Variants in RALGPS1 observed in about 807,000 individuals in gnomAD.
The protein encoded by RALGPS1 is ras-specific guanine nucleotide-releasing factor RalGPS1.
RALGPS1 carries 19 observed loss-of-function variants against 78.8 expected under a neutral mutation model. The ratio of observed to expected loss-of-function variants is 0.24; its 90% CI spans 0.17 to 0.35. The LOEUF is 0.35. Among genes scored for constraint, RALGPS1 ranks in the 10% least tolerant of loss-of-function variants. The pLI, the probability that RALGPS1 is intolerant of heterozygous loss-of-function variation, is 1.00. For synonymous variants in RALGPS1, 228 were observed against 256.3 expected (o/e 0.89, Z 1.06); for missense variants, 454 against 688.3 (o/e 0.66, Z 3.81).
intron 2 of RALGPS1, 37 bp downstream of exon 2, chr9:126,962,383 G>A: frequency 6.2e-7 from 1 of 1,610,080 alleles, no homozygotes. Flanking sequence ...GTGGGTAGAG[G>A]GGTCTCCTTT....
At chr9:127,134,969 C>T (rs1412236782) in intron 8 of RALGPS1, among the ~76,000 whole-genome samples, 2 of 152,180 alleles carry the variant, frequency 1.3e-5, no homozygotes, top group African/African-American at 4.8e-5. Context: ...GGGTCCTAGA[C>T]TTGCAGCAAG....
chr9:127,132,825 G>A (rs1027147688), intron 8 of RALGPS1, among the ~76,000 whole-genome samples: 1 of 152,220 alleles, frequency 6.6e-6, no homozygotes, highest in Non-Finnish European at 1.5e-5. Flanking sequence ...CTGCCATATA[G>A]TAAGTACCTA....
At chr9:126,976,760 C>T (rs969232473) in intron 3 of RALGPS1, among the ~76,000 whole-genome samples, 2 of 152,188 alleles carry the variant, frequency 1.3e-5, no homozygotes, top group Admixed American at 6.5e-5. Flanking sequence ...GTCTTCAGCT[C>T]TCCTCTCCCT....
At chr9:126,962,393 T>C in intron 2 of RALGPS1, 47 bp downstream of exon 2, 1 of 1,595,942 alleles carries the variant, frequency 6.3e-7, no homozygotes, top group South Asian at 1.1e-5. Context: ...GGGTCTCCTT[T>C]CAGCTAACCC....
intron 14 of RALGPS1, chr9:127,210,623 G>C (rs2184057): frequency 4.4e-6 from 5 of 1,148,712 alleles, no homozygotes; most frequent in Non-Finnish European, 6.4e-6. Flanking sequence ...TGTTGTCGGG[G>C]TGCTCTTGCC....
At position 127,103,472 on chromosome 9, in the gene RALGPS1, G is replaced by A. The variant is rs2053929283; in HGVS notation, c.610+34116G>A. ...ATCAGAACTTCACACTTAGCTATAT[G>A]TTGAAAGACTTAGCTATACATTGAA... On this transcript the variant is annotated intron_variant, in intron 8 of 18. Coordinates refer to ENST00000259351, the MANE Select transcript of RALGPS1 (RefSeq NM_014636.3). Among the ~76,000 whole-genome samples, 3 of 152,352 alleles carry A rather than the reference G, an allele frequency of 2.0e-5. No individual in the cohort carries two copies. In the South Asian group the frequency reaches 6.2e-4, roughly 32 times the overall value.
At position 127,218,910 on chromosome 9, in the gene RALGPS1, C is replaced by T. The variant is rs1365321895; in HGVS notation, c.*141C>T. 5 of 943,508 alleles carry T rather than the reference C, an allele frequency of 5.3e-6. No homozygotes were observed. Among genetic ancestry groups the T allele is most frequent in the Non-Finnish European group, 8.5e-6 (5 of 586,032 alleles). 58.4% of individuals were successfully genotyped at this position (943,508 alleles called of 1,614,324 possible). A position where few individuals can be genotyped will look rare whatever the true frequency, so the allele number is the denominator to read the frequency against. On this transcript the variant is annotated 3_prime_UTR_variant, in exon 19 of 19. Transcript: ENST00000259351. The surrounding 1 kb of genome is among the most constrained non-coding windows in gnomAD (Gnocchi z 4.4). ...GGACTCAGGGGACACGGCCTGTGGC[C>T]TCACCATCCCAGAGGGCTTCACCAG...
Position 127,091,788 on chromosome 9 carries a change from A to G in RALGPS1, c.610+22432A>G. 1.2e-6 allele frequency: 2 copies of G among 1,614,156 alleles called. No homozygotes were observed. The highest frequency in any genetic ancestry group is 1.7e-4 in the Middle Eastern group (1 of 6,058). ...GCCGCAGCTTATAATACTCGCTCTC[A>G]GGTTCCAGGCGGAAACTGGCGTATT... is the stretch of plus-strand genomic sequence containing the variant. On this transcript the variant is annotated intron_variant, in intron 8 of 18. Coordinates refer to ENST00000259351, the MANE Select transcript of RALGPS1 (RefSeq NM_014636.3). The surrounding 1 kb of genome is among the most constrained non-coding windows in gnomAD (Gnocchi z 4.3).
At chr9:127,054,727 C>G (rs906401976) in intron 7 of RALGPS1, among the ~76,000 whole-genome samples, 7 of 152,098 alleles carry the variant, frequency 4.6e-5, no homozygotes, top group Admixed American at 2.0e-4. Context: ...CCTGTAATCC[C>G]AGTACTTTGG....
intron 8 of RALGPS1, among the ~76,000 whole-genome samples, chr9:127,080,416 C>T (rs1475805596): frequency 2.6e-5 from 4 of 152,192 alleles, no homozygotes; most frequent in African/African-American, 9.7e-5. Context: ...TCCCACTTTC[C>T]AGAGGCAGCC....
intron 1 of RALGPS1, among the ~76,000 whole-genome samples, chr9:126,935,654 G>T (rs2036187790): frequency 1.3e-5 from 2 of 152,160 alleles, no homozygotes; most frequent in African/African-American, 4.8e-5. Flanking sequence ...GAAGAAGCAC[G>T]TTTCCAAAAC....
chr9:126,987,591 G>A (rs888438113), intron 4 of RALGPS1, among the ~76,000 whole-genome samples: 1 of 152,198 alleles, frequency 6.6e-6, no homozygotes, highest in Non-Finnish European at 1.5e-5. Flanking sequence ...GGGGCATGGT[G>A]TACGGTGGGC....
chr9:126,930,467 G>A (rs914316169), intron 1 of RALGPS1, among the ~76,000 whole-genome samples: 1 of 152,142 alleles, frequency 6.6e-6, no homozygotes, highest in Admixed American at 6.5e-5. Flanking sequence ...TTTTGAAACA[G>A]GGTCTTGCTG....
intron 1 of RALGPS1, among the ~76,000 whole-genome samples, chr9:126,939,261 T>C (rs2036539261): frequency 6.6e-6 from 1 of 152,206 alleles, no homozygotes; most frequent in Admixed American, 6.5e-5. Context: ...GCTTGGGTGC[T>C]CATGGGGTGG....
At chr9:127,186,449 C>T (rs1041100673) in intron 11 of RALGPS1, among the ~76,000 whole-genome samples, 9 of 152,194 alleles carry the variant, frequency 5.9e-5, no homozygotes, top group Admixed American at 2.6e-4. Context: ...GCCCCTGCTG[C>T]GGGACATGGA....
rs1294534526 is a variant in RALGPS1, at chr9:126,950,048, C to A, written c.-65-12177C>A. Among the ~76,000 whole-genome samples the A allele has an allele frequency of 1.6e-3, 242 of 151,662 alleles. 4 individuals are homozygous for A. The highest frequency in any genetic ancestry group is 5.5e-3 in the African/African-American group (227 of 41,488). On this transcript the variant is annotated intron_variant, in intron 1 of 18. Transcript: ENST00000259351. Reference sequence around the variant, plus strand: ...TCTACATATGGCTAGCCAGTTTTCCCAGCACCATTTATTAAATAGGGAATC... The same window carrying A: ...TCTACATATGGCTAGCCAGTTTTCCAAGCACCATTTATTAAATAGGGAATC...
At chr9:126,954,084 GTT>G (rs1372825556) in intron 1 of RALGPS1, among the ~76,000 whole-genome samples, 1 of 152,164 alleles carries the variant, frequency 6.6e-6, no homozygotes, top group Non-Finnish European at 1.5e-5. Context: ...CAGCTCAGTG[GTT>G]CTTCTCAGCG....
chr9:127,073,536 T>A (rs2135961099), intron 8 of RALGPS1, among the ~76,000 whole-genome samples: 1 of 151,666 alleles, frequency 6.6e-6, no homozygotes, highest in Non-Finnish European at 1.5e-5. Flanking sequence ...TTAGGTTTAT[T>A]CCATATCTTG....
intron 1 of RALGPS1, among the ~76,000 whole-genome samples, chr9:126,941,938 G>C (rs949945661): frequency 1.3e-5 from 2 of 152,102 alleles, no homozygotes; most frequent in Non-Finnish European, 2.9e-5. Context: ...TGATTTCCTT[G>C]CTTTGTTTGA....
Sources: gnomAD v4.1 joint callset for allele counts (sites outside exome capture counted in the v4.1 genomes callset) on GRCh38, gnomAD v4.1.1 for gene constraint, Gnocchi (gnomAD v3.1) non-coding constraint, MANE v1.5 for transcripts, NCBI Gene and HGNC (gene_info 2026-07-23, HGNC 2026-07-21) for gene names.